The following EHBP1 variants were observed in gnomAD, a reference collection of about 807,000 sequenced individuals.
The protein encoded by EHBP1 is EH domain binding protein 1.
A neutral mutation model predicts 144.0 loss-of-function variants in EHBP1; 55 were observed. The ratio of observed to expected loss-of-function variants is 0.38; its 90% CI spans 0.31 to 0.48. The LOEUF (loss-of-function observed/expected upper bound fraction) is 0.48, where lower values mean the gene tolerates loss of function less well. Ranked by LOEUF, EHBP1 falls within the 20% of genes least tolerant of loss-of-function variation. EHBP1 has a pLI of 0.98. For synonymous variants in EHBP1, 469 were observed against 472.7 expected (o/e 0.99, Z 0.10); for missense variants, 1,200 against 1,364.2 (o/e 0.88, Z 1.90).
At chr2:62,710,327 T>C (rs759999461) in intron 2 of EHBP1, among the ~76,000 whole-genome samples, 3 of 152,016 alleles carry the variant, frequency 2.0e-5, no homozygotes, top group Non-Finnish European at 2.9e-5. Flanking sequence ...GAATACGTAT[T>C]ATATTTTGTA....
At chr2:63,024,601 C>CAAAA (rs35534053) in intron 19 of EHBP1, among the ~76,000 whole-genome samples, 2 of 107,484 alleles carry the variant, frequency 1.9e-5, no homozygotes, top group African/African-American at 3.7e-5. Flanking sequence ...GACCCTGTCT[C>CAAAA]AAAAAAAAAA....
At chr2:62,727,330 T>G (rs754756860) in intron 2 of EHBP1, among the ~76,000 whole-genome samples, 1 of 152,112 alleles carries the variant, frequency 6.6e-6, no homozygotes, top group Non-Finnish European at 1.5e-5. Flanking sequence ...GTATAACTCA[T>G]GTACTAAACA....
chr2:62,694,099 A>G (rs1413398540), intron 1 of EHBP1, among the ~76,000 whole-genome samples: 1 of 152,072 alleles, frequency 6.6e-6, no homozygotes, highest in Non-Finnish European at 1.5e-5. Context: ...TAATTTTTGT[A>G]TTTGGTTGTT....
At chr2:62,806,913 TTATA>T (rs2044548688) in intron 5 of EHBP1, among the ~76,000 whole-genome samples, 3 of 152,136 alleles carry the variant, frequency 2.0e-5, no homozygotes, top group Admixed American at 6.5e-5. Context: ...TTCTTTTTAC[TTATA>T]TATAAGCATA....
chr2:62,798,453 A>G (rs1282400053), intron 5 of EHBP1, among the ~76,000 whole-genome samples: 1 of 152,094 alleles, frequency 6.6e-6, no homozygotes, highest in Non-Finnish European at 1.5e-5. Flanking sequence ...CTGCCTCTTT[A>G]GAGACTAGTA....
At chr2:62,829,572 TG>T (rs1440642766) in intron 6 of EHBP1, among the ~76,000 whole-genome samples, 1 of 8,074 alleles carries the variant, frequency 1.2e-4, no homozygotes, top group African/African-American at 2.7e-3. Flanking sequence ...TGTTCTATGT[TG>T]TGTGTGTGTG....
At chr2:62,913,202 G>T (rs574546941) in intron 10 of EHBP1, among the ~76,000 whole-genome samples, 1 of 152,116 alleles carries the variant, frequency 6.6e-6, no homozygotes, top group Non-Finnish European at 1.5e-5. Flanking sequence ...CTTTTTTAAA[G>T]CATTTATGTT....
At chr2:62,751,241 T>C (rs1379702504) in intron 3 of EHBP1, among the ~76,000 whole-genome samples, 1 of 152,230 alleles carries the variant, frequency 6.6e-6, no homozygotes, top group Non-Finnish European at 1.5e-5. Context: ...ATTGAGATAA[T>C]CATGTGGTTT....
chr2:62,682,460 T>C (rs1455287189), intron 1 of EHBP1, among the ~76,000 whole-genome samples: 1 of 152,224 alleles, frequency 6.6e-6, no homozygotes, highest in Admixed American at 6.5e-5. Flanking sequence ...TTGTTCTTTA[T>C]AACCATCTGT....
chr2:62,914,346 C>T (rs2054447360), intron 10 of EHBP1, among the ~76,000 whole-genome samples: 1 of 151,920 alleles, frequency 6.6e-6, no homozygotes, highest in Non-Finnish European at 1.5e-5. Context: ...GCTTATGACA[C>T]TACCAATATA....
At position 62,874,339 on chromosome 2, in the gene EHBP1, C is replaced by T; in HGVS notation, c.999-7C>T. The T allele has an allele frequency of 1.9e-6, 3 of 1,550,200 alleles. No homozygotes were observed. The highest frequency in any genetic ancestry group is 2.6e-6 in the Non-Finnish European group (3 of 1,144,512). On this transcript the variant is annotated splice_region_variant and splice_polypyrimidine_tract_variant and intron_variant, in intron 9 of 22. Transcript: ENST00000431489. ...AGACATCTAACAATAATTCTTCTTT[C>T]ACTTAGATCAAATCCTTTTTATGAA...
chr2:62,742,746 C>T (rs1411243116), intron 2 of EHBP1, among the ~76,000 whole-genome samples: 1 of 152,084 alleles, frequency 6.6e-6, no homozygotes, highest in Admixed American at 6.6e-5. Flanking sequence ...GAACACTACT[C>T]CCCTACTTCT....
intron 1 of EHBP1, among the ~76,000 whole-genome samples, chr2:62,693,008 C>G (rs1399784926): frequency 1.3e-5 from 2 of 151,876 alleles, no homozygotes; most frequent in African/African-American, 2.4e-5. Context: ...TGACCCCTAC[C>G]CCTTTCCCCT....
intron 10 of EHBP1, among the ~76,000 whole-genome samples, chr2:62,927,009 G>GA (rs2055571744): frequency 6.6e-6 from 1 of 151,780 alleles, no homozygotes; most frequent in African/African-American, 2.4e-5. Flanking sequence ...TATTTAGCTA[G>GA]AAAAAAAAGA....
intron 7 of EHBP1, among the ~76,000 whole-genome samples, chr2:62,857,133 A>C (rs2049124076): frequency 6.6e-6 from 1 of 152,164 alleles, no homozygotes; most frequent in African/African-American, 2.4e-5. Context: ...CGAACTTCCT[A>C]ATTTTAGCCC....
chr2:62,844,390 C>T (rs1440852661), intron 7 of EHBP1, among the ~76,000 whole-genome samples: 1 of 152,132 alleles, frequency 6.6e-6, no homozygotes, highest in Admixed American at 6.5e-5. Context: ...TACTGAGGTA[C>T]AGCACCAGTG....
intron 7 of EHBP1, among the ~76,000 whole-genome samples, chr2:62,857,735 A>G (rs1573744515): frequency 6.6e-6 from 1 of 152,246 alleles, no homozygotes; most frequent in East Asian, 1.9e-4. Context: ...CAAAATATAG[A>G]TGACTCATGT....
chr2:62,784,188 A>T (rs1408569971), intron 5 of EHBP1, among the ~76,000 whole-genome samples: 2 of 152,364 alleles, frequency 1.3e-5, no homozygotes, highest in Non-Finnish European at 2.9e-5. Flanking sequence ...TTTACTTTAT[A>T]TTAAATCTTT....
At chr2:62,842,769 C>T (rs779503343) in intron 7 of EHBP1, among the ~76,000 whole-genome samples, 1 of 152,076 alleles carries the variant, frequency 6.6e-6, no homozygotes, top group Non-Finnish European at 1.5e-5. Context: ...AACTAAATCT[C>T]AATTAGATAC....
Sources: allele counts gnomAD v4.1 joint callset (sites outside exome capture counted in the v4.1 genomes callset), GRCh38; gene constraint gnomAD v4.1.1; transcripts MANE v1.5; gene names NCBI Gene and HGNC (gene_info 2026-07-23, HGNC 2026-07-21).